SHANK2: variants seen among roughly 807,000 people sequenced by gnomAD.
The protein encoded by SHANK2 is SH3 and multiple ankyrin repeat domains 2.
SHANK2 carries 43 observed loss-of-function variants against 133.7 expected under a neutral mutation model. The ratio of observed to expected loss-of-function variants is 0.32; its 90% CI spans 0.25 to 0.41. SHANK2 has a LOEUF of 0.41. Among genes scored for constraint, SHANK2 ranks in the 10% least tolerant of loss-of-function variants. The pLI is 1.00. For synonymous variants in SHANK2, 1,017 were observed against 952.8 expected, an observed-to-expected ratio of 1.07 and a Z score of -1.24; for missense variants, 1,994 against 2,235.8, an observed-to-expected ratio of 0.89 and a Z score of 2.18.
At chr11:70,915,165 A>G (rs1454677775) in intron 10 of SHANK2, among the ~76,000 whole-genome samples, 4 of 152,118 alleles carry the variant, frequency 2.6e-5, no homozygotes, top group African/African-American at 9.7e-5. Flanking sequence ...TCAGCTCCCA[A>G]TATGATCCCT....
At chr11:70,896,742 C>T (rs918551033) in intron 10 of SHANK2, among the ~76,000 whole-genome samples, 175 bp from the exon 11 acceptor site, 1 of 152,226 alleles carries the variant, frequency 6.6e-6, no homozygotes, top group African/African-American at 2.4e-5. Flanking sequence ...ACTCACTTCT[C>T]TCAAAGCAGT....
chr11:71,124,329 TGAG>T (rs1447687522), intron 3 of SHANK2, among the ~76,000 whole-genome samples: 2 of 146,386 alleles, frequency 1.4e-5, no homozygotes, highest in Admixed American at 1.4e-4. Context: ...GTGATCATAA[TGAG>T]GATGATGATG....
chr11:71,105,633 C>T (rs1260560878), intron 6 of SHANK2, among the ~76,000 whole-genome samples: 1 of 150,088 alleles, frequency 6.7e-6, no homozygotes, highest in Non-Finnish European at 1.5e-5. Context: ...CAGCAGCTGC[C>T]AGGGGCTCAG....
At position 70,486,317 on chromosome 11, in the gene SHANK2, T is replaced by G; in HGVS notation, c.3976A>C (p.Asn1326His). ...VHTVDATKLD[N>H]ALQEEDEKAE... ...TTCTCGTCCTCTTCCTGCAGGGCGT[T>G]GTCCAGCTTAGTGGCGTCCACGGTG... The change falls in exon 25 of 26, where the codon AAC becomes CAC. Residue 1326 changes from asparagine to histidine, a missense_variant. Physicochemically the swap from Asn to His is moderately conservative, Grantham distance 68 (BLOSUM62 1). Transcript: ENST00000601538. This position sits in a 1 kb window ranked among gnomAD's most constrained non-coding sequence, Gnocchi z 8.0. 1 of 1,613,998 alleles carries G rather than the reference T, an allele frequency of 6.2e-7. No homozygotes were observed. Among genetic ancestry groups the G allele is most frequent in the Non-Finnish European group, 8.5e-7 (1 of 1,180,032 alleles).
At chr11:70,716,218 C>T (rs28441399) in intron 14 of SHANK2, among the ~76,000 whole-genome samples, 53,848 of 151,972 alleles carry the variant, frequency 0.35, 10,481 homozygotes, top group Non-Finnish European at 0.45. Context: ...AGAGCAAACA[C>T]CCCAAGCATC....
chr11:70,933,947 A>C (rs1404193864), intron 10 of SHANK2, among the ~76,000 whole-genome samples: 2 of 151,690 alleles, frequency 1.3e-5, no homozygotes, highest in African/African-American at 4.9e-5. Flanking sequence ...ACAAAACAAC[A>C]ACAGCTGGGC....
intron 17 of SHANK2, among the ~76,000 whole-genome samples, chr11:70,643,133 C>T (rs973971244): frequency 1.1e-4 from 17 of 152,196 alleles, no homozygotes; most frequent in African/African-American, 2.2e-4. Flanking sequence ...CTTCCTCCAA[C>T]GGGTTACCTT....
rs538623913 is a variant in SHANK2, at chr11:70,717,575, C to T, written c.1778-18812G>A. Among the ~76,000 whole-genome samples the T allele has an allele frequency of 1.3e-4, 20 of 152,310 alleles. No homozygotes were observed. The South Asian group carries it at 1.5e-3, about 11-fold the overall frequency. On this transcript the variant is annotated intron_variant, in intron 14 of 25. Transcript: ENST00000601538. ...ATTGCCACCCCGTCTCACCAAGCGC[C>T]GGCAGGACTGCCCAAGTCCCACGGT...
At chr11:70,933,771 T>C (rs1950532419) in intron 10 of SHANK2, among the ~76,000 whole-genome samples, 1 of 151,722 alleles carries the variant, frequency 6.6e-6, no homozygotes, top group East Asian at 1.9e-4. Context: ...AATACAAAAG[T>C]TAGCTGGGCA....
At chr11:70,552,932 C>T (rs1554978529) in intron 17 of SHANK2, among the ~76,000 whole-genome samples, 1 of 152,146 alleles carries the variant, frequency 6.6e-6, no homozygotes, top group East Asian at 1.9e-4. Context: ...AGCAACGTAT[C>T]TCAGCGTTGG....
intron 3 of SHANK2, among the ~76,000 whole-genome samples, chr11:71,135,017 C>A (rs1555104491): frequency 6.6e-6 from 1 of 152,108 alleles, no homozygotes; most frequent in Non-Finnish European, 1.5e-5. Context: ...CCTGGACGCC[C>A]ACCGCCCACC....
At chr11:70,926,335 C>T (rs141658555) in intron 10 of SHANK2, among the ~76,000 whole-genome samples, 1 of 152,278 alleles carries the variant, frequency 6.6e-6, no homozygotes, top group African/African-American at 2.4e-5. Context: ...CACTTGAGCT[C>T]AGGAGGCAGG....
intron 14 of SHANK2, among the ~76,000 whole-genome samples, chr11:70,779,213 T>TA (rs1475896724): frequency 1.3e-5 from 2 of 151,644 alleles, no homozygotes; most frequent in Non-Finnish European, 2.9e-5. Flanking sequence ...CAGCAGCACA[T>TA]ACTTCACGGC....
intron 17 of SHANK2, among the ~76,000 whole-genome samples, chr11:70,567,796 C>A (rs574814350): frequency 5.3e-5 from 8 of 152,280 alleles, no homozygotes; most frequent in African/African-American, 1.7e-4. Flanking sequence ...TGAGAGTCAA[C>A]GTCTACTGTC....
At chr11:70,588,850 C>G (rs1418390471) in intron 17 of SHANK2, among the ~76,000 whole-genome samples, 1 of 152,224 alleles carries the variant, frequency 6.6e-6, no homozygotes, top group African/African-American at 2.4e-5. Context: ...TGGAGTCGCG[C>G]TCTGTCGCCC....
intron 13 of SHANK2, among the ~76,000 whole-genome samples, chr11:70,806,518 A>G (rs1948163787): frequency 1.3e-5 from 2 of 152,268 alleles, no homozygotes; most frequent in South Asian, 4.1e-4. Context: ...GCCCCCCCAG[A>G]GGCTTCTCAA....
chr11:71,173,545 C>T (rs1399756948), intron 2 of SHANK2, among the ~76,000 whole-genome samples: 1 of 152,258 alleles, frequency 6.6e-6, no homozygotes, highest in East Asian at 1.9e-4. Context: ...CATTCTTTCA[C>T]ATCCACAAGC....
intron 15 of SHANK2, among the ~76,000 whole-genome samples, chr11:70,664,691 G>A (rs978185578): frequency 3.3e-5 from 5 of 152,198 alleles, no homozygotes; most frequent in Admixed American, 1.3e-4. Flanking sequence ...ACCACTTCCT[G>A]CCAGCATACC....
At chr11:71,124,303 CATG>C (rs1555102253) in intron 3 of SHANK2, among the ~76,000 whole-genome samples, 2 of 32,966 alleles carry the variant, frequency 6.1e-5, no homozygotes, top group Non-Finnish European at 1.4e-4. Context: ...TGGTGACAAT[CATG>C]ATGATAGTGA....
Sources: gnomAD v4.1 joint callset for allele counts (sites outside exome capture counted in the v4.1 genomes callset) on GRCh38, gnomAD v4.1.1 for gene constraint, Gnocchi (gnomAD v3.1) non-coding constraint, MANE v1.5 for transcripts, NCBI Gene and HGNC (gene_info 2026-07-23, HGNC 2026-07-21) for gene names.